Variants in POLE observed in about 807,000 individuals in gnomAD.
The protein encoded by POLE is DNA polymerase epsilon catalytic subunit A.
POLE carries 188 observed loss-of-function variants against 279.2 expected under a neutral mutation model. The ratio of observed to expected loss-of-function variants is 0.67; its 90% CI spans 0.60 to 0.76. POLE has a LOEUF of 0.76. Among genes scored for constraint, POLE ranks in the 30% least tolerant of loss-of-function variants. The probability of loss-of-function intolerance (pLI) is 0.00; values close to 1 mark genes in which losing one functional copy is unlikely to be tolerated. For synonymous variants in POLE, 1,214 were observed against 1,172.5 expected (o/e 1.04, Z -0.72); for missense variants, 2,703 against 3,016.7 (o/e 0.90, Z 2.44).
intron 29 of POLE, among the ~76,000 whole-genome samples, chr12:132,655,340 A>G (rs950456997): frequency 6.6e-6 from 1 of 151,894 alleles, no homozygotes; most frequent in Non-Finnish European, 1.5e-5. Context: ...ATTTCCAAAC[A>G]TGGTCTGTAT....
At chr12:132,643,619 AC>A in intron 33 of POLE, 59 bp from the exon 34 acceptor site, 1 of 1,606,374 alleles carries the variant, frequency 6.2e-7, no homozygotes, top group Non-Finnish European at 8.5e-7. Flanking sequence ...CTGGCTGCCC[AC>A]GTGACTTCTG....
chr12:132,671,686 A>G (rs2042932318), intron 16 of POLE, among the ~76,000 whole-genome samples: 1 of 150,790 alleles, frequency 6.6e-6, no homozygotes, highest in African/African-American at 2.4e-5. Context: ...GGGAAAAAAA[A>G]AAAAAAAAAA....
intron 45 of POLE, among the ~76,000 whole-genome samples, chr12:132,631,316 C>A (rs5745043): frequency 6.6e-6 from 1 of 152,150 alleles, no homozygotes; most frequent in Non-Finnish European, 1.5e-5. Flanking sequence ...GGAATGTTTT[C>A]GGGCGGTGAC....
In POLE at chr12:132,679,194, T is replaced by C. The variant is rs533692648; in HGVS notation, c.578+303A>G. ...GCACTTAATGAAATTCATAGATGGA[T>C]TGTGTTAGGGCAGTAGGATGAGGGA... On this transcript the variant is annotated intron_variant, in intron 6 of 48. Coordinates refer to ENST00000320574, the MANE Select transcript of POLE (RefSeq NM_006231.4). Among the ~76,000 whole-genome samples the C allele has an allele frequency of 7.2e-5, 11 of 152,288 alleles. No individual in the cohort carries two copies. In the South Asian group the frequency reaches 8.3e-4, roughly 11 times the overall value.
chr12:132,639,196 C>T lies in POLE; in HGVS notation c.5481G>A (p.Ser1827=), dbSNP rs775867327. 50 of 1,613,886 alleles carry T rather than the reference C, an allele frequency of 3.1e-5. No homozygotes were observed. The highest frequency in any genetic ancestry group is 4.0e-5 in the Non-Finnish European group (47 of 1,179,944). The stretch of plus-strand genomic sequence containing the variant: ...CAGGGTCATGAAGCAGAGAGGATGG[C>T]GACCGAAGCCAGCGGTAGAAGTGCA... ...QVMHFYRWLR[S]PSSLLHDPAL... Residue 1827 remains serine, a synonymous_variant, in exon 40 of 49, where the codon TCG becomes TCA. Coordinates refer to ENST00000320574, the MANE Select transcript of POLE (RefSeq NM_006231.4). This position sits in a 1 kb window ranked among gnomAD's most constrained non-coding sequence, Gnocchi z 4.7.
chr12:132,673,067 G>T, intron 14 of POLE, 97 bp downstream of exon 14: 1 of 877,882 alleles, frequency 1.1e-6, no homozygotes, highest in Non-Finnish European at 1.9e-6. Flanking sequence ...TCTGGTGCCA[G>T]CACTCCTGGG....
intron 45 of POLE, among the ~76,000 whole-genome samples, chr12:132,629,711 C>A (rs1339465675): frequency 6.6e-6 from 1 of 152,206 alleles, no homozygotes; most frequent in East Asian, 1.9e-4. Flanking sequence ...TTCTCCATAT[C>A]AGCAACAGGA....
In POLE at chr12:132,668,336, G is replaced by T. The variant is rs2135974228; in HGVS notation, c.2173+20C>A. The T allele has an allele frequency of 6.5e-7, 1 of 1,547,416 alleles. No individual in the cohort carries two copies. Among genetic ancestry groups the T allele is most frequent in the South Asian group, 1.2e-5 (1 of 80,444 alleles). Reference sequence around the variant, plus strand: ...GCAGGAGCCACATCTTTACAGCCGTGACCATGCCCAGGCACTCACCCGCCA... The same window carrying T: ...GCAGGAGCCACATCTTTACAGCCGTTACCATGCCCAGGCACTCACCCGCCA... On this transcript the variant is annotated intron_variant, in intron 19 of 48. Transcript: ENST00000320574. This position sits in a 1 kb window ranked among gnomAD's most constrained non-coding sequence, Gnocchi z 4.0.
intron 42 of POLE, among the ~76,000 whole-genome samples, chr12:132,635,213 T>C (rs2042007908): frequency 6.6e-6 from 1 of 152,048 alleles, no homozygotes; most frequent in South Asian, 2.1e-4. Flanking sequence ...ACGTGACCCC[T>C]TCCCCAGACT....
rs5744964 is a variant in POLE, at chr12:132,639,326, G to A, written c.5379-28C>T. The A allele has an allele frequency of 1.1e-3, 1,699 of 1,608,330 alleles. No homozygotes were observed. Among genetic ancestry groups the A allele is most frequent in the South Asian group, 1.7e-3 (154 of 90,728 alleles). On this transcript the variant is annotated intron_variant, in intron 39 of 48. Transcript: ENST00000320574. This position sits in a 1 kb window ranked among gnomAD's most constrained non-coding sequence, Gnocchi z 4.7. ...GAAAGAGAAGGTGCACGACACCCTCGTACCCTCAGCCTCCCACGCTGCTGC... is the reference window on the plus strand; with the variant it reads ...GAAAGAGAAGGTGCACGACACCCTCATACCCTCAGCCTCCCACGCTGCTGC...
At chr12:132,651,737 ACT>A (rs1162893520) in intron 29 of POLE, among the ~76,000 whole-genome samples, 1 of 152,120 alleles carries the variant, frequency 6.6e-6, no homozygotes, top group Admixed American at 6.5e-5. Flanking sequence ...CCTGGCTGGC[ACT>A]CTCTCAAAAG....
At position 132,679,918 on chromosome 12, in the gene POLE, C is replaced by T. The variant is rs766936779; in HGVS notation, c.423+36G>A. The T allele has an allele frequency of 7.7e-6, 11 of 1,437,798 alleles. No homozygotes were observed. In the East Asian group the frequency reaches 2.0e-4, roughly 27 times the overall value. 89.1% of individuals were successfully genotyped at this position (1,437,798 alleles called of 1,614,324 possible). On this transcript the variant is annotated intron_variant, in intron 5 of 48. Coordinates refer to ENST00000320574, the MANE Select transcript of POLE (RefSeq NM_006231.4). ...CTGCCAGGAACAATGTAGACTCTGG[C>T]CTCATTTACCCCTGGAAAGTCTGGG... is the stretch of plus-strand genomic sequence containing the variant.
At chr12:132,672,916 GC>G (rs1327993088) in intron 14 of POLE, 77 bp from the exon 15 acceptor site, 1 of 1,316,804 alleles carries the variant, frequency 7.6e-7, no homozygotes, top group Non-Finnish European at 1.1e-6. Context: ...AGGAACCTAA[GC>G]TGAACTTCAG....
chr12:132,637,283 C>T (rs977344560), intron 41 of POLE, among the ~76,000 whole-genome samples: 2 of 152,212 alleles, frequency 1.3e-5, no homozygotes, highest in Admixed American at 6.5e-5. Flanking sequence ...TTTTCTGCAG[C>T]GCCCCCAGAT....
chr12:132,643,870 T>C lies in POLE; in HGVS notation c.4257A>G (p.Ser1419=), dbSNP rs780548657. 2.5e-6 allele frequency: 4 copies of C among 1,614,218 alleles called. No homozygotes were observed. Among genetic ancestry groups the C allele is most frequent in the Non-Finnish European group, 2.5e-6 (3 of 1,180,020 alleles). The change falls in exon 33 of 49, where the codon TCA becomes TCG. Residue 1419 remains serine (S), a synonymous_variant. Coordinates refer to ENST00000320574, the MANE Select transcript of POLE (RefSeq NM_006231.4). ...EHINEINAEL[S]APDIEGVYET... ...CATATACGCCCTCGATGTCTGGCGCTGACAGCTCAGCGTTGATCTCGTTGA... is the reference window on the plus strand; with the variant it reads ...CATATACGCCCTCGATGTCTGGCGCCGACAGCTCAGCGTTGATCTCGTTGA...
chr12:132,670,559 C>T (rs547576094), intron 16 of POLE, among the ~76,000 whole-genome samples: 3 of 150,868 alleles, frequency 2.0e-5, no homozygotes, highest in South Asian at 2.1e-4. Flanking sequence ...GGAGCGATCT[C>T]GGCTCACTGC....
At chr12:132,673,077 GACATCC>G in intron 14 of POLE, 81 bp downstream of exon 14, 1 of 933,034 alleles carries the variant, frequency 1.1e-6, no homozygotes, top group Non-Finnish European at 1.8e-6. Context: ...GCACTCCTGG[GACATCC>G]ACCTCCATTC....
intron 47 of POLE, 39 bp downstream of exon 47, chr12:132,625,606 G>C (rs1367842366): frequency 1.2e-6 from 2 of 1,608,604 alleles, no homozygotes; most frequent in East Asian, 4.5e-5. Context: ...CCCCCCTGTG[G>C]ACTCCAGGGC....
At chr12:132,643,376 G>A (rs755570386) in intron 34 of POLE, 31 bp downstream of exon 34, 1 of 1,614,202 alleles carries the variant, frequency 6.2e-7, no homozygotes, top group Non-Finnish European at 8.5e-7. Flanking sequence ...TGGGAGGCAG[G>A]CACATGATGG....
Sources: gnomAD v4.1 joint callset for allele counts (sites outside exome capture counted in the v4.1 genomes callset) on GRCh38, gnomAD v4.1.1 for gene constraint, Gnocchi (gnomAD v3.1) non-coding constraint, MANE v1.5 for transcripts, NCBI Gene and HGNC (gene_info 2026-07-23, HGNC 2026-07-21) for gene names.